TRIM71: variants seen among roughly 807,000 people sequenced by gnomAD.
The protein encoded by TRIM71 is E3 ubiquitin-protein ligase TRIM71.
Under a neutral mutation model 61.2 loss-of-function variants are expected in TRIM71, and 9 were observed. The ratio of observed to expected loss-of-function variants is 0.15; its 90% CI spans 0.09 to 0.26. The LOEUF is 0.26. Among genes scored for constraint, TRIM71 ranks in the 10% least tolerant of loss-of-function variants. TRIM71 has a pLI of 1.00. For missense variants in TRIM71, 998 were observed against 1,238.7 expected, an observed-to-expected ratio of 0.81 and a Z score of 2.92; for synonymous variants, 645 against 553.2, an observed-to-expected ratio of 1.17 and a Z score of -2.33.
chr3:32,818,263 C>T lies in TRIM71; in HGVS notation c.183C>T (p.Cys61=). The T allele has an allele frequency of 7.0e-7, 1 of 1,438,308 alleles. No homozygotes were observed. Among genetic ancestry groups the T allele is most frequent in the Non-Finnish European group, 9.0e-7 (1 of 1,109,498 alleles). The allele number at this position is 1,438,308 out of a possible 1,614,324, so 89.1% of individuals were successfully genotyped here. ...AAARRLHVLP[C]LHAFCRPCLE... is the part of the protein sequence containing the mutation. ...CGCGCCGCCTACACGTCCTGCCCTG[C>T]CTGCACGCCTTCTGCCGCCCCTGCC... The change falls in exon 1 of 4, where the codon TGC becomes TGT. Residue 61 remains cysteine, a synonymous_variant. Coordinates refer to ENST00000383763, the MANE Select transcript of TRIM71 (RefSeq NM_001039111.3).
chr3:32,863,194 C>CTTTTTTTTTTTTTTTTTT (rs1559545534), intron 1 of TRIM71, among the ~76,000 whole-genome samples: 1 of 117,664 alleles, frequency 8.5e-6, no homozygotes, highest in African/African-American at 3.3e-5. Context: ...ATTAATTGAA[C>CTTTTTTTTTTTTTTTTTT]CTTTTTTTTT....
chr3:32,887,422 TTG>T (rs1696973068), intron 3 of TRIM71, among the ~76,000 whole-genome samples: 1 of 151,992 alleles, frequency 6.6e-6, no homozygotes, highest in Non-Finnish European at 1.5e-5. Flanking sequence ...TTGGATACTT[TTG>T]CTATAGAACC....
intron 1 of TRIM71, among the ~76,000 whole-genome samples, chr3:32,846,185 C>T (rs1205365438): frequency 8.6e-5 from 13 of 151,236 alleles, no homozygotes; most frequent in African/African-American, 3.2e-4. Context: ...ACAGGATTCT[C>T]CTGCCTCAGC....
chr3:32,889,797 G>T (rs1031982524), intron 3 of TRIM71, among the ~76,000 whole-genome samples: 3 of 151,958 alleles, frequency 2.0e-5, no homozygotes, highest in African/African-American at 7.3e-5. Flanking sequence ...TGCCATGTTG[G>T]CCAGACTGGT....
chr3:32,890,944 C>G lies in TRIM71; in HGVS notation c.1740C>G (p.Val580=). The change falls in exon 4 of 4, where the codon GTC becomes GTG. Residue 580 remains valine, a synonymous_variant. Coordinates refer to ENST00000383763, the MANE Select transcript of TRIM71 (RefSeq NM_001039111.3). The surrounding 1 kb of genome is among the most constrained non-coding windows in gnomAD (Gnocchi z 6.2). The part of the protein sequence containing the change: ...HIENSPFKVV[V]KSGRSYVGIG... ...AGAACAGCCCTTTCAAGGTGGTGGT[C>G]AAGTCAGGCCGCAGCTACGTGGGCA... The G allele has an allele frequency of 2.5e-6, 4 of 1,614,212 alleles. No homozygotes were observed. Among genetic ancestry groups the G allele is most frequent in the East Asian group, 2.2e-5 (1 of 44,884 alleles).
intron 1 of TRIM71, among the ~76,000 whole-genome samples, chr3:32,834,727 A>G (rs1179783923): frequency 6.6e-6 from 1 of 152,148 alleles, no homozygotes; most frequent in Non-Finnish European, 1.5e-5. Context: ...CTGTAGTCCC[A>G]GCTACCCCGG....
intron 2 of TRIM71, among the ~76,000 whole-genome samples, chr3:32,880,184 C>T (rs891483823): frequency 2.0e-4 from 31 of 151,942 alleles, no homozygotes; most frequent in African/African-American, 7.5e-4. Context: ...TACCACCACG[C>T]CTGGCTAATT....
chr3:32,890,261 T>C lies in TRIM71; in HGVS notation c.1156-99T>C. On this transcript the variant is annotated intron_variant, in intron 3 of 3. Coordinates refer to ENST00000383763, the MANE Select transcript of TRIM71 (RefSeq NM_001039111.3). This position sits in a 1 kb window ranked among gnomAD's most constrained non-coding sequence, Gnocchi z 6.2. ...TGTAGACCATCCCACAATATGTGTT[T>C]GTCTGATGCTTCCTTGTGATTAGTT... 6.9e-7 allele frequency: 1 copy of C among 1,454,960 alleles called. No homozygotes were observed. Among genetic ancestry groups the C allele is most frequent in the East Asian group, 2.3e-5 (1 of 43,554 alleles). The allele number at this position is 1,454,960 out of a possible 1,614,324, so 90.1% of individuals were successfully genotyped here. A position where few individuals can be genotyped will look rare whatever the true frequency, so the allele number is the denominator to read the frequency against.
rs1575339261 is a variant in TRIM71, at chr3:32,823,569, A to C, written c.852+4637A>C. On this transcript the variant is annotated intron_variant, in intron 1 of 3. Transcript: ENST00000383763. Reference sequence around the variant, plus strand: ...TGGAAGACAAGATATTTGGGGAAAAAAACGTTACTTTTTCTAGACTTCCAG... The same window carrying C: ...TGGAAGACAAGATATTTGGGGAAAACAACGTTACTTTTTCTAGACTTCCAG... Among the ~76,000 whole-genome samples the C allele has an allele frequency of 2.6e-5, 4 of 152,228 alleles. No homozygotes were observed. In the East Asian group the frequency reaches 7.7e-4, roughly 29 times the overall value.
At chr3:32,858,572 G>A (rs1696631650) in intron 1 of TRIM71, among the ~76,000 whole-genome samples, 1 of 152,164 alleles carries the variant, frequency 6.6e-6, no homozygotes. Flanking sequence ...GAGCCGGGAG[G>A]CCCAGCTGAA....
At chr3:32,853,804 T>G (rs1490429578) in intron 1 of TRIM71, among the ~76,000 whole-genome samples, 1 of 152,056 alleles carries the variant, frequency 6.6e-6, no homozygotes, top group East Asian at 1.9e-4. Flanking sequence ...GCCAGGAGTT[T>G]AAGAGCAGTC....
rs564200509 is a variant in TRIM71 at position 32,834,300 on chromosome 3, TGATGTTTGG to T, written c.852+15371_852+15379del. On this transcript the variant is annotated intron_variant, in intron 1 of 3. Transcript: ENST00000383763. ...GCAGGAGATAGTGATTAAGTCTAGA[TGATGTTTGG>T]GACTTGACACAACAGCTACAAATTT... Among the ~76,000 whole-genome samples the T allele has an allele frequency of 9.2e-4, 140 of 152,340 alleles. 1 individual carries two copies. The Middle Eastern group carries it at 0.01, about 11-fold the overall frequency.
intron 1 of TRIM71, among the ~76,000 whole-genome samples, chr3:32,844,349 T>C (rs1349426121): frequency 2.0e-5 from 3 of 152,212 alleles, no homozygotes; most frequent in Non-Finnish European, 4.4e-5. Context: ...CAGCACACTG[T>C]TTTGTTTTGT....
At chr3:32,876,319 C>T (rs1441176744) in intron 2 of TRIM71, among the ~76,000 whole-genome samples, 2 of 152,108 alleles carry the variant, frequency 1.3e-5, no homozygotes, top group Non-Finnish European at 2.9e-5. Flanking sequence ...CACGGTTGCT[C>T]AAACCTGTAA....
chr3:32,821,616 T>C (rs1031284581), intron 1 of TRIM71, among the ~76,000 whole-genome samples: 1 of 152,184 alleles, frequency 6.6e-6, no homozygotes, highest in Non-Finnish European at 1.5e-5. Context: ...TTTTGGCTTA[T>C]TTCAACAACA....
intron 1 of TRIM71, among the ~76,000 whole-genome samples, chr3:32,855,790 A>T (rs943006205): frequency 1.3e-5 from 2 of 152,234 alleles, no homozygotes; most frequent in Admixed American, 1.3e-4. Flanking sequence ...GGGATGCCCT[A>T]TGTGGTACAC....
At chr3:32,856,893 C>T (rs1158612466) in intron 1 of TRIM71, among the ~76,000 whole-genome samples, 1 of 151,846 alleles carries the variant, frequency 6.6e-6, no homozygotes, top group Non-Finnish European at 1.5e-5. Context: ...GTTTCATGTA[C>T]TCTCAGGATG....
chr3:32,884,111 T>TTTTTG (rs550980284), intron 2 of TRIM71, among the ~76,000 whole-genome samples: 218 of 152,116 alleles, frequency 1.4e-3, no homozygotes, highest in African/African-American at 4.8e-3. Flanking sequence ...GTGGTGTGCT[T>TTTTTG]TTTTGTTTTG....
At chr3:32,852,622 T>C (rs1170104415) in intron 1 of TRIM71, among the ~76,000 whole-genome samples, 1 of 152,184 alleles carries the variant, frequency 6.6e-6, no homozygotes, top group Admixed American at 6.5e-5. Flanking sequence ...TTGAGGGTTC[T>C]TGAGTTTGGA....
Sources: gnomAD v4.1 joint callset for allele counts (sites outside exome capture counted in the v4.1 genomes callset) on GRCh38, gnomAD v4.1.1 for gene constraint, Gnocchi (gnomAD v3.1) non-coding constraint, MANE v1.5 for transcripts, NCBI Gene and HGNC (gene_info 2026-07-23, HGNC 2026-07-21) for gene names.